STK32B: variants seen among roughly 807,000 people sequenced by gnomAD.
STK32B encodes serine/threonine-protein kinase 32B.
In STK32B, 43 loss-of-function variants were observed where a neutral mutation model predicts 52.6. The ratio of observed to expected loss-of-function variants is 0.82; its 90% CI spans 0.64 to 1.05. The LOEUF is 1.05. Among genes scored for constraint, STK32B ranks in the 50% least tolerant of loss-of-function variants. STK32B has a pLI of 0.00. For synonymous variants in STK32B, 238 were observed against 204.3 expected (o/e 1.17, Z -1.41); for missense variants, 621 against 534.6 (o/e 1.16, Z -1.59).
chr4:5,384,577 C>A (rs1736128932), intron 4 of STK32B, among the ~76,000 whole-genome samples: 1 of 152,086 alleles, frequency 6.6e-6, no homozygotes, highest in African/African-American at 2.4e-5. Flanking sequence ...CAGCCACGTT[C>A]AGCTGGGTGG....
intron 3 of STK32B, among the ~76,000 whole-genome samples, chr4:5,270,167 A>G (rs1727328756): frequency 6.6e-6 from 1 of 152,170 alleles, no homozygotes; most frequent in African/African-American, 2.4e-5. Flanking sequence ...TGAATAGGAT[A>G]GATGTATATA....
At chr4:5,428,415 C>T (rs1037210039) in intron 6 of STK32B, among the ~76,000 whole-genome samples, 47 of 151,856 alleles carry the variant, frequency 3.1e-4, no homozygotes, top group African/African-American at 1.1e-3. Flanking sequence ...CTAAAAAAAA[C>T]AAAACAAACA....
intron 2 of STK32B, among the ~76,000 whole-genome samples, chr4:5,145,225 T>C (rs75503838): frequency 0.084 from 12,715 of 152,264 alleles, 1,479 homozygotes; most frequent in African/African-American, 0.26. Flanking sequence ...ACCAAACTTA[T>C]TTTATGAAAT....
chr4:5,152,664 C>T (rs558726386), intron 2 of STK32B, among the ~76,000 whole-genome samples: 123 of 152,376 alleles, frequency 8.1e-4, no homozygotes, highest in African/African-American at 2.9e-3. Context: ...AGTTCTCATT[C>T]GGTGACAGTG....
chr4:5,454,833 T>C (rs1201625757), intron 7 of STK32B, among the ~76,000 whole-genome samples: 1 of 152,150 alleles, frequency 6.6e-6, no homozygotes, highest in Admixed American at 6.5e-5. Flanking sequence ...GGTAGTTGTT[T>C]CTGGTGAAGT....
intron 2 of STK32B, among the ~76,000 whole-genome samples, chr4:5,156,294 AATAAAT>A (rs1225246633): frequency 6.6e-6 from 1 of 152,086 alleles, no homozygotes; most frequent in Non-Finnish European, 1.5e-5. Flanking sequence ...TATATAAATA[AATAAAT>A]ATAAATGAAT....
intron 3 of STK32B, among the ~76,000 whole-genome samples, chr4:5,177,510 A>T (rs1488327370): frequency 6.6e-6 from 1 of 152,130 alleles, no homozygotes; most frequent in African/African-American, 2.4e-5. Flanking sequence ...TCATGTCCTC[A>T]CATTTCAAAG....
At chr4:5,312,962 T>C (rs1311907240) in intron 3 of STK32B, among the ~76,000 whole-genome samples, 7 of 151,990 alleles carry the variant, frequency 4.6e-5, no homozygotes, top group African/African-American at 7.2e-5. Context: ...GTGCATACTT[T>C]TAAATTCATT....
chr4:5,052,636 C>T (rs1355440012), intron 1 of STK32B, among the ~76,000 whole-genome samples: 5 of 152,128 alleles, frequency 3.3e-5, no homozygotes, highest in African/African-American at 1.2e-4. Flanking sequence ...AACATTAGTC[C>T]CTTCATCAAT....
intron 1 of STK32B, among the ~76,000 whole-genome samples, chr4:5,090,688 G>T (rs1713030636): frequency 6.6e-6 from 1 of 152,012 alleles, no homozygotes; most frequent in Admixed American, 6.6e-5. Context: ...GTTAATTTTT[G>T]TATAAGGTGT....
At chr4:5,367,910 C>T (rs1335679945) in intron 4 of STK32B, among the ~76,000 whole-genome samples, 1 of 152,150 alleles carries the variant, frequency 6.6e-6, no homozygotes, top group Non-Finnish European at 1.5e-5. Flanking sequence ...GTCCACATCG[C>T]CGCCCAGGGG....
chr4:5,149,344 G>T (rs547075755), intron 2 of STK32B, among the ~76,000 whole-genome samples: 1 of 151,736 alleles, frequency 6.6e-6, no homozygotes, highest in Non-Finnish European at 1.5e-5. Context: ...CTCATGTAAC[G>T]GTTTGATTTT....
intron 4 of STK32B, among the ~76,000 whole-genome samples, chr4:5,379,843 C>G (rs1015703167): frequency 6.6e-6 from 1 of 152,166 alleles, no homozygotes; most frequent in African/African-American, 2.4e-5. Flanking sequence ...GTTTAAGCCC[C>G]CGGTTCGTGG....
At chr4:5,275,501 T>C (rs905023585) in intron 3 of STK32B, among the ~76,000 whole-genome samples, 1 of 152,010 alleles carries the variant, frequency 6.6e-6, no homozygotes, top group Non-Finnish European at 1.5e-5. Context: ...TCAGAGGAGG[T>C]GCACCCTCTT....
chr4:5,021,229 C>T, the STK32B span, among the ~76,000 whole-genome samples: 152 of 152,338 alleles, frequency 1.0e-3, 3 homozygotes, highest in African/African-American at 3.6e-3. Context: ...CCTTCCAGCC[C>T]CAGTGTTTTA....
At chr4:5,092,868 G>A (rs1025580190) in intron 1 of STK32B, among the ~76,000 whole-genome samples, 1 of 152,022 alleles carries the variant, frequency 6.6e-6, no homozygotes, top group Non-Finnish European at 1.5e-5. Context: ...ATTTGGGTGG[G>A]GGACACAGAT....
At chr4:5,164,149 G>A (rs1718676192) in intron 2 of STK32B, among the ~76,000 whole-genome samples, 1 of 152,198 alleles carries the variant, frequency 6.6e-6, no homozygotes, top group Non-Finnish European at 1.5e-5. Context: ...TAAAACAGTG[G>A]AAATTTATTA....
chr4:5,337,476 C>T (rs751875996), intron 4 of STK32B, among the ~76,000 whole-genome samples: 9 of 152,082 alleles, frequency 5.9e-5, no homozygotes, highest in Non-Finnish European at 8.8e-5. Context: ...AAATGGAATG[C>T]AGAAAGCTGG....
rs75607574 is a variant in STK32B at position 5,051,829 on chromosome 4, G to A, written c.-35G>A. The A allele has an allele frequency of 0.037, 57,590 of 1,577,720 alleles. 1,246 individuals are homozygous for A. Among genetic ancestry groups the A allele is most frequent in the Middle Eastern group, 0.044 (262 of 6,012 alleles). The stretch of plus-strand genomic sequence containing the variant: ...CACATCCCGCATCCGGCATCCCAGC[G>A]GCCGGGCATGTAGCAGCGGCAGCAA... On this transcript the variant is annotated 5_prime_UTR_variant, in exon 1 of 12. Coordinates refer to ENST00000282908, the MANE Select transcript of STK32B (RefSeq NM_018401.3).
Sources: gnomAD v4.1 joint callset for allele counts (sites outside exome capture counted in the v4.1 genomes callset) on GRCh38, gnomAD v4.1.1 for gene constraint, MANE v1.5 for transcripts, NCBI Gene and HGNC (gene_info 2026-07-23, HGNC 2026-07-21) for gene names.